The following CACNA1C variants were observed in gnomAD, a reference collection of about 807,000 sequenced individuals.
The protein encoded by CACNA1C is voltage-dependent L-type calcium channel subunit alpha-1C.
CACNA1C carries 30 observed loss-of-function variants against 229.0 expected under a neutral mutation model. That is an observed-to-expected ratio of 0.13 (90% confidence interval 0.10 to 0.18). CACNA1C has a LOEUF of 0.18. Among genes scored for constraint, CACNA1C ranks in the 10% least tolerant of loss-of-function variants. CACNA1C has a pLI of 1.00. For missense variants in CACNA1C, 1,658 were observed against 2,845.0 expected, an observed-to-expected ratio of 0.58 and a Z score of 9.49; for synonymous variants, 1,114 against 1,132.5, an observed-to-expected ratio of 0.98 and a Z score of 0.33.
intron 3 of CACNA1C, among the ~76,000 whole-genome samples, chr12:2,296,520 G>A (rs1193802359): frequency 6.6e-6 from 1 of 152,190 alleles, no homozygotes; most frequent in Non-Finnish European, 1.5e-5. Flanking sequence ...CTTTCCTCTT[G>A]CTTCTAAGGC....
chr12:2,558,242 G>A (rs1048534338), intron 11 of CACNA1C, among the ~76,000 whole-genome samples: 2 of 152,198 alleles, frequency 1.3e-5, no homozygotes, highest in Admixed American at 1.3e-4. Flanking sequence ...GAAGCCACGC[G>A]AGCCCTCTGG....
At chr12:2,578,116 C>T (rs2059207551) in intron 13 of CACNA1C, among the ~76,000 whole-genome samples, 1 of 152,116 alleles carries the variant, frequency 6.6e-6, no homozygotes, top group South Asian at 2.1e-4. Context: ...GATCCGCCCG[C>T]CTCGGCCTCC....
intron 9 of CACNA1C, among the ~76,000 whole-genome samples, chr12:2,538,740 G>C (rs913417388): frequency 1.3e-5 from 2 of 152,166 alleles, no homozygotes; most frequent in South Asian, 2.1e-4. Flanking sequence ...CTATCCACTT[G>C]ACAATACATA....
At chr12:2,046,237 AC>A in intron 1 of CACNA1C, among the ~76,000 whole-genome samples, 1 of 152,350 alleles carries the variant, frequency 6.6e-6, no homozygotes, top group Middle Eastern at 3.4e-3. Context: ...GCCTTTGAGC[AC>A]CTAAAAAAGT....
chr12:2,006,092 G>A (rs970059942), intron 1 of CACNA1C, among the ~76,000 whole-genome samples: 1 of 152,158 alleles, frequency 6.6e-6, no homozygotes, highest in Admixed American at 6.5e-5. Flanking sequence ...ATAAACAAAA[G>A]TTCTCTGAGG....
At chr12:2,458,627 C>A (rs1219921413) in intron 5 of CACNA1C, among the ~76,000 whole-genome samples, 2 of 152,170 alleles carry the variant, frequency 1.3e-5, no homozygotes, top group Non-Finnish European at 2.9e-5. Flanking sequence ...TAGGCTAGGA[C>A]CAGATGAGTT....
chr12:2,157,112 A>C (rs762217033), intron 3 of CACNA1C, among the ~76,000 whole-genome samples: 12 of 152,218 alleles, frequency 7.9e-5, no homozygotes, highest in Non-Finnish European at 1.8e-4. Flanking sequence ...GAATTGGTTC[A>C]ACGTTTGTAT....
intron 38 of CACNA1C, among the ~76,000 whole-genome samples, chr12:2,673,493 G>A (rs545671753): frequency 8.6e-5 from 13 of 150,970 alleles, no homozygotes; most frequent in East Asian, 3.9e-4. Context: ...AAGACACCCC[G>A]TTAGTAGCTC....
rs2098699542 is a variant in CACNA1C at position 2,403,276 on chromosome 12, T to C, written c.478-45700T>C. Among the ~76,000 whole-genome samples the C allele has an allele frequency of 6.6e-6, 1 of 152,246 alleles. No individual in the cohort carries two copies. On this transcript the variant is annotated intron_variant, in intron 3 of 46. Transcript: ENST00000399655. The surrounding 1 kb of genome is among the most constrained non-coding windows in gnomAD (Gnocchi z 4.1). The stretch of plus-strand genomic sequence containing the variant: ...AGGCCAAAGACACATCTCCTATGAC[T>C]GACCTTCTGGTCTTGGCCACACAGC...
intron 9 of CACNA1C, among the ~76,000 whole-genome samples, chr12:2,518,599 C>T (rs563585881): frequency 9.8e-4 from 145 of 148,572 alleles, no homozygotes; most frequent in Non-Finnish European, 1.8e-3. Context: ...CAGAGCCAGA[C>T]GCTGTCTCAA....
rs3085990 is a variant in CACNA1C, at chr12:2,067,481, T to TGTGTGTGTGTGTGCGC, written c.49+13871_49+13872insTGTGTGTGTGTGCGCG. 1.5e-4 allele frequency among the ~76,000 whole-genome samples: 21 copies of TGTGTGTGTGTGTGCGC among 140,776 alleles called. No individual in the cohort carries two copies. Among genetic ancestry groups the TGTGTGTGTGTGTGCGC allele is most frequent in the Non-Finnish European group, 2.1e-4 (14 of 65,688 alleles). 92.4% of individuals were successfully genotyped at this position (140,776 alleles called of 152,430 possible). ...GTGTGTGTGTGTGTGTGTGTGTGTG[T>TGTGTGTGTGTGTGCGC]GCGCGCGTGTGCGTGCCTGTATGTA... On this transcript the variant is annotated intron_variant, in intron 1 of 46. Coordinates refer to ENST00000399655, the MANE Select transcript of CACNA1C (RefSeq NM_000719.7). This position sits in a 1 kb window ranked among gnomAD's most constrained non-coding sequence, Gnocchi z 5.3.
chr12:2,010,030 A>G (rs572812234), intron 1 of CACNA1C, among the ~76,000 whole-genome samples: 56 of 152,344 alleles, frequency 3.7e-4, no homozygotes, highest in Admixed American at 7.2e-4. Flanking sequence ...GAGTATCACT[A>G]TCTTCATCAT....
intron 9 of CACNA1C, among the ~76,000 whole-genome samples, chr12:2,520,819 C>T (rs2099808143): frequency 6.6e-6 from 1 of 151,384 alleles, no homozygotes; most frequent in Non-Finnish European, 1.5e-5. Context: ...GCCCAATGGC[C>T]GTGTGCTTCA....
chr12:2,460,359 C>T (rs970127807), intron 5 of CACNA1C, among the ~76,000 whole-genome samples: 2 of 152,128 alleles, frequency 1.3e-5, no homozygotes, highest in Non-Finnish European at 2.9e-5. Flanking sequence ...CATGGGTGAA[C>T]GATTGAGAAC....
chr12:2,622,728 G>A (rs568823947), intron 29 of CACNA1C, among the ~76,000 whole-genome samples: 10 of 152,316 alleles, frequency 6.6e-5, no homozygotes, highest in Admixed American at 2.0e-4. Flanking sequence ...AGGGACAGGC[G>A]TTCTCATACA....
intron 3 of CACNA1C, among the ~76,000 whole-genome samples, chr12:2,162,464 T>A (rs1034504072): frequency 6.6e-6 from 1 of 151,950 alleles, no homozygotes; most frequent in Non-Finnish European, 1.5e-5. Flanking sequence ...CAGTGGTCCA[T>A]TTTTTCTTAT....
At chr12:2,404,554 TC>T (rs1388730716) in intron 3 of CACNA1C, among the ~76,000 whole-genome samples, 4 of 152,100 alleles carry the variant, frequency 2.6e-5, no homozygotes, top group Non-Finnish European at 5.9e-5. Context: ...GGATTCGAGT[TC>T]CTCTCAGAAG....
chr12:2,308,408 C>T (rs553633790), intron 3 of CACNA1C, among the ~76,000 whole-genome samples: 2 of 152,232 alleles, frequency 1.3e-5, no homozygotes, highest in South Asian at 4.2e-4. Context: ...GGTTCAACAG[C>T]CAGTTTTCTC....
At position 2,566,378 on chromosome 12, in the gene CACNA1C, A is replaced by T. The variant is rs376949451; in HGVS notation, c.1509-44A>T. The stretch of plus-strand genomic sequence containing the variant: ...TGCATCTTGGGTTGGAGGAAACCTG[A>T]ATTCACAGCCAACCCCACCCTTCTC... On this transcript the variant is annotated intron_variant, in intron 11 of 46. Coordinates refer to ENST00000399655, the MANE Select transcript of CACNA1C (RefSeq NM_000719.7). The surrounding 1 kb of genome is among the most constrained non-coding windows in gnomAD (Gnocchi z 4.0). The T allele has an allele frequency of 5.3e-6, 8 of 1,523,736 alleles. No homozygotes were observed. The African/African-American group carries it at 1.1e-4, about 21-fold the overall frequency. 94.4% of individuals were successfully genotyped at this position (1,523,736 alleles called of 1,614,324 possible).
Sources: gnomAD v4.1 joint callset for allele counts (sites outside exome capture counted in the v4.1 genomes callset) on GRCh38, gnomAD v4.1.1 for gene constraint, Gnocchi (gnomAD v3.1) non-coding constraint, MANE v1.5 for transcripts, NCBI Gene and HGNC (gene_info 2026-07-23, HGNC 2026-07-21) for gene names.